Variants in SGCZ observed in about 807,000 individuals in gnomAD.
The protein encoded by SGCZ is sarcoglycan zeta, also known as zeta-sarcoglycan.
Under a neutral mutation model 41.3 loss-of-function variants are expected in SGCZ, and 40 were observed. The ratio of observed to expected loss-of-function variants is 0.97; its 90% confidence interval spans 0.75 to 1.26. The LOEUF (loss-of-function observed/expected upper bound fraction) is 1.26, where lower values mean the gene tolerates loss of function less well. Ranked by LOEUF, SGCZ falls within the 50% of genes most tolerant of loss-of-function variation. SGCZ has a pLI of 0.00. For missense variants in SGCZ, 552 were observed against 369.8 expected (o/e 1.49, Z -4.04); for synonymous variants, 206 against 137.5 (o/e 1.50, Z -3.49).
At position 14,247,720 on chromosome 8, in the gene SGCZ, G is replaced by A. The variant is rs1333561740; in HGVS notation, c.337-10041C>T. ...CTTTTCCACTCCAGCTGCCTCTTCA[G>A]TTGTTCTTGAGGGTAATGTTGCCCT... On this transcript the variant is annotated intron_variant, in intron 3 of 7. Transcript: ENST00000382080. 2.0e-5 allele frequency among the ~76,000 whole-genome samples: 3 copies of A among 152,130 alleles called. No homozygotes were observed. The South Asian group carries it at 6.2e-4, about 31-fold the overall frequency.
At chr8:14,349,438 T>C (rs1803009262) in intron 2 of SGCZ, among the ~76,000 whole-genome samples, 1 of 152,132 alleles carries the variant, frequency 6.6e-6, no homozygotes, top group South Asian at 2.1e-4. Context: ...CTCTGCAGGC[T>C]TTCCCCTATG....
At chr8:14,148,553 A>T (rs925614078) in intron 5 of SGCZ, among the ~76,000 whole-genome samples, 1 of 152,106 alleles carries the variant, frequency 6.6e-6, no homozygotes, top group Non-Finnish European at 1.5e-5. Flanking sequence ...AAAATCTACC[A>T]GTAAAGAAAA....
Position 14,975,200 on chromosome 8 carries a change from G to A in SGCZ, c.39+262385C>T, listed in dbSNP as rs139148078. Among the ~76,000 whole-genome samples, 1,384 of 152,242 alleles carry A rather than the reference G, an allele frequency of 9.1e-3. 24 individuals are homozygous for A. The highest frequency in any genetic ancestry group is 0.032 in the African/African-American group (1,341 of 41,544). On this transcript the variant is annotated intron_variant, in intron 1 of 7. Transcript: ENST00000382080. ...GGCTGCCTGTAGCCCCAGCTACTTG[G>A]GAGGCTGAGGCAGGAGAATCATTTG...
At position 14,089,678 on chromosome 8, in the gene SGCZ, C is replaced by T. The variant is rs17118613; in HGVS notation, c.*765G>A. On this transcript the variant is annotated 3_prime_UTR_variant, in exon 8 of 8. Transcript: ENST00000382080. ...TGTTTTGTTAAAAGCAAATACGTCA[C>T]ATGCAGTAGCCATGTAAATACTATA... Among the ~76,000 whole-genome samples the T allele has an allele frequency of 7.4e-3, 1,129 of 152,124 alleles. 15 individuals carry two copies. The highest frequency in any genetic ancestry group is 0.026 in the African/African-American group (1,084 of 41,528).
chr8:15,237,255 C>CCCG (rs1554483257), intron 1 of SGCZ, among the ~76,000 whole-genome samples: 4 of 152,056 alleles, frequency 2.6e-5, no homozygotes, highest in African/African-American at 4.8e-5. Context: ...TGCCGCTGCC[C>CCCG]CCCCCGGGGA....
intron 1 of SGCZ, among the ~76,000 whole-genome samples, chr8:15,199,289 T>C (rs181803033): frequency 1.3e-5 from 2 of 152,320 alleles, no homozygotes; most frequent in East Asian, 3.9e-4. Flanking sequence ...ATCTCAGTGA[T>C]AGCAGAAAGC....
At chr8:14,877,681 A>C (rs1804414550) in intron 1 of SGCZ, among the ~76,000 whole-genome samples, 2 of 152,174 alleles carry the variant, frequency 1.3e-5, no homozygotes, top group South Asian at 4.1e-4. Context: ...ACACAAATGT[A>C]CATCTTTTCT....
chr8:14,611,081 C>G (rs1194739563), intron 1 of SGCZ, among the ~76,000 whole-genome samples: 1 of 151,984 alleles, frequency 6.6e-6, no homozygotes, highest in Non-Finnish European at 1.5e-5. Context: ...TAATAATAAT[C>G]AGCTGGATAG....
chr8:14,563,424 G>T lies in SGCZ; in HGVS notation c.40-8498C>A, dbSNP rs942911135. 7.8e-4 allele frequency among the ~76,000 whole-genome samples: 119 copies of T among 152,278 alleles called. 1 individual carries two copies. Among genetic ancestry groups the T allele is most frequent in the African/African-American group, 2.8e-3 (117 of 41,564 alleles). The stretch of plus-strand genomic sequence containing the variant: ...GGTGTGAGTGGACAGAAAGAAAAAA[G>T]TCGTTAAGGAAATGTACAATGCCTA... On this transcript the variant is annotated intron_variant, in intron 1 of 7. Transcript: ENST00000382080.
At chr8:14,724,725 AAT>A (rs1377977639) in intron 1 of SGCZ, among the ~76,000 whole-genome samples, 4 of 152,030 alleles carry the variant, frequency 2.6e-5, no homozygotes, top group Non-Finnish European at 5.9e-5. Flanking sequence ...ATGAATACAT[AAT>A]AGTTGTATAT....
intron 1 of SGCZ, among the ~76,000 whole-genome samples, chr8:14,838,966 A>G (rs1178475515): frequency 6.6e-6 from 1 of 152,186 alleles, no homozygotes; most frequent in Non-Finnish European, 1.5e-5. Flanking sequence ...TATGTTGGAC[A>G]AGGTAGGACT....
chr8:14,436,727 T>A (rs1429986433), intron 2 of SGCZ, among the ~76,000 whole-genome samples: 1 of 152,194 alleles, frequency 6.6e-6, no homozygotes, highest in Non-Finnish European at 1.5e-5. Flanking sequence ...GACCTCTGAG[T>A]ACACCTGTTT....
chr8:14,473,891 TCA>T (rs1220384275), intron 2 of SGCZ, among the ~76,000 whole-genome samples: 1 of 148,134 alleles, frequency 6.8e-6, no homozygotes, highest in East Asian at 2.0e-4. Flanking sequence ...TGAGCCAAGA[TCA>T]CACCACTGCA....
At chr8:14,304,207 C>G (rs1045804539) in intron 3 of SGCZ, among the ~76,000 whole-genome samples, 8 of 152,046 alleles carry the variant, frequency 5.3e-5, no homozygotes, top group Admixed American at 3.9e-4. Context: ...CTCTAGGAGG[C>G]TGAGGCAGGA....
chr8:15,216,725 T>C (rs1801415898), intron 1 of SGCZ, among the ~76,000 whole-genome samples: 1 of 152,094 alleles, frequency 6.6e-6, no homozygotes, highest in Non-Finnish European at 1.5e-5. Context: ...TTTAAAGAAA[T>C]ACAAGCATTA....
intron 3 of SGCZ, 42 bp downstream of exon 3, chr8:14,324,061 C>G (rs761359245): frequency 1.4e-6 from 2 of 1,392,480 alleles, no homozygotes; most frequent in Non-Finnish European, 2.0e-6. Flanking sequence ...AACATAACCT[C>G]TAAATTATCT....
chr8:14,935,598 T>C (rs1289877268), intron 1 of SGCZ, among the ~76,000 whole-genome samples: 1 of 151,848 alleles, frequency 6.6e-6, no homozygotes, highest in Non-Finnish European at 1.5e-5. Context: ...TGATAAAACT[T>C]AGATATTTAT....
intron 1 of SGCZ, among the ~76,000 whole-genome samples, chr8:15,111,257 A>T (rs1807039095): frequency 6.6e-6 from 1 of 150,714 alleles, no homozygotes; most frequent in Non-Finnish European, 1.5e-5. Context: ...CAATAGAAAA[A>T]CCCCCATTTC....
At chr8:15,172,062 C>T (rs1799847563) in intron 1 of SGCZ, among the ~76,000 whole-genome samples, 1 of 139,728 alleles carries the variant, frequency 7.2e-6, no homozygotes, top group African/African-American at 2.8e-5. Context: ...AATTTCTACA[C>T]AAAACAAATA....
Sources: gnomAD v4.1 joint callset for allele counts (sites outside exome capture counted in the v4.1 genomes callset) on GRCh38, gnomAD v4.1.1 for gene constraint, MANE v1.5 for transcripts, NCBI Gene and HGNC (gene_info 2026-07-23, HGNC 2026-07-21) for gene names.